Variants in EPHA5 observed in about 807,000 individuals in gnomAD.
EPHA5 encodes the protein ephrin type-A receptor 5.
In EPHA5, 60 loss-of-function variants were observed where a neutral mutation model predicts 105.0. The ratio of observed to expected loss-of-function variants is 0.57; its 90% CI spans 0.46 to 0.71. EPHA5 has a LOEUF of 0.71. Ranked by LOEUF, EPHA5 falls within the 30% of genes least tolerant of loss-of-function variation. EPHA5 has a pLI of 0.00. For missense variants in EPHA5, 1,218 were observed against 1,274.7 expected (o/e 0.96, Z 0.68); for synonymous variants, 513 against 449.1 (o/e 1.14, Z -1.80).
intron 8 of EPHA5, among the ~76,000 whole-genome samples, chr4:65,394,983 T>A (rs909721457): frequency 6.6e-6 from 1 of 152,196 alleles, no homozygotes; most frequent in African/African-American, 2.4e-5. Context: ...TCAGATGTAG[T>A]CAGAGCTCGT....
chr4:65,523,065 T>G (rs1734912369), intron 3 of EPHA5, among the ~76,000 whole-genome samples: 1 of 151,954 alleles, frequency 6.6e-6, no homozygotes, highest in African/African-American at 2.4e-5. Flanking sequence ...ATGCTCTATT[T>G]TCTCCGTTCT....
At chr4:65,449,581 T>C (rs1456496202) in intron 5 of EPHA5, among the ~76,000 whole-genome samples, 9 of 152,174 alleles carry the variant, frequency 5.9e-5, no homozygotes, top group Admixed American at 5.9e-4. Flanking sequence ...AACAATTATA[T>C]AGTGAAGTTG....
chr4:65,602,698 T>C (rs1221317458), intron 2 of EPHA5, among the ~76,000 whole-genome samples: 2 of 151,890 alleles, frequency 1.3e-5, no homozygotes, highest in African/African-American at 4.8e-5. Flanking sequence ...TATACATAAA[T>C]AGGGTAGAAT....
chr4:65,535,505 T>C (rs1310093856), intron 3 of EPHA5, among the ~76,000 whole-genome samples: 1 of 152,132 alleles, frequency 6.6e-6, no homozygotes, highest in Admixed American at 6.6e-5. Context: ...CTTATCTATA[T>C]AGAACATATA....
chr4:65,493,847 A>G (rs1731664584), intron 4 of EPHA5, among the ~76,000 whole-genome samples: 1 of 152,126 alleles, frequency 6.6e-6, no homozygotes, highest in South Asian at 2.1e-4. Flanking sequence ...AAAGAAAGAT[A>G]ATGGGTAGAC....
Position 65,602,186 on chromosome 4 carries a change from C to A in EPHA5, c.365G>T (p.Gly122Val), listed in dbSNP as rs775890729. The change falls in exon 3 of 17, where the codon GGT (glycine) becomes GTT (valine). Residue 122 changes from glycine (G) to valine (V), a missense_variant. Physicochemically the swap from Gly to Val is moderately radical, Grantham distance 109. Transcript: ENST00000613740. ...WLLTSWISNE[G>V]ASRIFIELKF... is the part of the protein sequence containing the mutation. ...GAGTTCTATGAAGATTCTGGAAGCACCTTCATTGGAGATCCAACTGGTCAA... is the reference window on the plus strand; with the variant it reads ...GAGTTCTATGAAGATTCTGGAAGCAACTTCATTGGAGATCCAACTGGTCAA... 1.9e-6 allele frequency: 3 copies of A among 1,613,954 alleles called. No individual in the cohort carries two copies. Among genetic ancestry groups the A allele is most frequent in the South Asian group, 2.2e-5 (2 of 91,080 alleles).
intron 5 of EPHA5, among the ~76,000 whole-genome samples, chr4:65,465,465 G>GAAA (rs59523171): frequency 4.2e-5 from 2 of 47,484 alleles, no homozygotes; most frequent in African/African-American, 1.7e-4. Flanking sequence ...AGAAAAGAAA[G>GAAA]AAAAAGAAAG....
At chr4:65,600,749 C>G (rs555109316) in intron 3 of EPHA5, among the ~76,000 whole-genome samples, 1 of 152,102 alleles carries the variant, frequency 6.6e-6, no homozygotes, top group Non-Finnish European at 1.5e-5. Flanking sequence ...AGTTCAGGAT[C>G]ATGAGGGTGA....
intron 2 of EPHA5, among the ~76,000 whole-genome samples, chr4:65,614,978 T>C (rs564315244): frequency 6.6e-6 from 1 of 151,970 alleles, no homozygotes; most frequent in Admixed American, 6.6e-5. Flanking sequence ...GTAATTGTTA[T>C]ATGGAGTTTA....
chr4:65,571,845 A>G (rs909362745), intron 3 of EPHA5, among the ~76,000 whole-genome samples: 2 of 152,088 alleles, frequency 1.3e-5, no homozygotes, highest in Non-Finnish European at 2.9e-5. Flanking sequence ...TCCAAAGTCC[A>G]ATTACATTTC....
chr4:65,659,292 C>A (rs933624769), intron 1 of EPHA5, among the ~76,000 whole-genome samples: 8 of 110,846 alleles, frequency 7.2e-5, no homozygotes, highest in Admixed American at 1.4e-4. Context: ...AGACTGGGAA[C>A]TGGATTGTTT....
intron 4 of EPHA5, 54 bp downstream of exon 4, chr4:65,495,334 T>C (rs2149224943): frequency 1.3e-6 from 2 of 1,561,452 alleles, no homozygotes; most frequent in Non-Finnish European, 1.7e-6. Context: ...CATCATGCTG[T>C]TTCCTCAAAA....
chr4:65,531,060 T>A (rs1735739751), intron 3 of EPHA5, among the ~76,000 whole-genome samples: 1 of 150,998 alleles, frequency 6.6e-6, no homozygotes. Context: ...AGACGGAGTC[T>A]CGCTCTGTCG....
At chr4:65,393,226 T>A (rs577069399) in intron 8 of EPHA5, among the ~76,000 whole-genome samples, 1 of 152,184 alleles carries the variant, frequency 6.6e-6, no homozygotes, top group Non-Finnish European at 1.5e-5. Flanking sequence ...ACGTGCTTTG[T>A]ATGAAACTGA....
At chr4:65,349,329 GCA>G (rs1560439127) in intron 13 of EPHA5, among the ~76,000 whole-genome samples, 16 of 111,360 alleles carry the variant, frequency 1.4e-4, no homozygotes, top group Admixed American at 7.7e-4. Context: ...GTTTTTTATG[GCA>G]TAAAAATTGA....
At chr4:65,557,678 G>A (rs990014026) in intron 3 of EPHA5, among the ~76,000 whole-genome samples, 2 of 152,032 alleles carry the variant, frequency 1.3e-5, no homozygotes, top group Non-Finnish European at 2.9e-5. Flanking sequence ...TAAAGAGGGA[G>A]ACAAGTACAC....
intron 15 of EPHA5, 138 bp from the exon 16 acceptor site, chr4:65,332,266 T>A: frequency 1.6e-6 from 1 of 610,578 alleles, no homozygotes; most frequent in Non-Finnish European, 2.6e-6. Flanking sequence ...CAAATGCTAA[T>A]ATGGAAGAAA....
chr4:65,400,196 T>A (rs1267528748), intron 8 of EPHA5, among the ~76,000 whole-genome samples: 1 of 152,152 alleles, frequency 6.6e-6, no homozygotes, highest in East Asian at 1.9e-4. Context: ...AGATAAACTC[T>A]ACAAAATTAG....
chr4:65,573,594 C>T lies in EPHA5; in HGVS notation c.910+28047G>A, dbSNP rs1740462492. 8 of 1,598,850 alleles carry T rather than the reference C, an allele frequency of 5.0e-6. No homozygotes were observed. The South Asian group carries it at 6.6e-5, about 13-fold the overall frequency. ...CAAGAAGGGGAAGCCCCGTTGCAGC[C>T]GCAACCCTGTCCTTGTCAGAGGAAT... is the stretch of plus-strand genomic sequence containing the variant. On this transcript the variant is annotated intron_variant, in intron 3 of 16. Transcript: ENST00000613740.
Sources: allele counts gnomAD v4.1 joint callset (sites outside exome capture counted in the v4.1 genomes callset), GRCh38; gene constraint gnomAD v4.1.1; transcripts MANE v1.5; gene names NCBI Gene and HGNC (gene_info 2026-07-23, HGNC 2026-07-21).